TDRD5: variants seen among roughly 807,000 people sequenced by gnomAD.
TDRD5 encodes tudor domain containing 5.
TDRD5 carries 41 observed loss-of-function variants against 120.6 expected under a neutral mutation model. That is an observed-to-expected ratio of 0.34 (90% CI 0.26 to 0.44). The LOEUF is 0.44. Ranked by LOEUF, TDRD5 falls within the 20% of genes least tolerant of loss-of-function variation. TDRD5 has a pLI of 1.00. For missense variants in TDRD5, 1,006 were observed against 1,221.2 expected (o/e 0.82, Z 2.63); for synonymous variants, 430 against 433.7 (o/e 0.99, Z 0.11).
intron 6 of TDRD5, among the ~76,000 whole-genome samples, chr1:179,625,980 C>G (rs942796277): frequency 1.3e-5 from 2 of 151,376 alleles, no homozygotes; most frequent in South Asian, 2.1e-4. Flanking sequence ...AACCAAACAC[C>G]GCATATTCTC....
At position 179,650,895 on chromosome 1, in the gene TDRD5, A is replaced by G. The variant is rs965790829; in HGVS notation, c.1829A>G (p.Gln610Arg). 6.2e-7 allele frequency: 1 copy of G among 1,614,190 alleles called. No individual in the cohort carries two copies. The highest frequency in any genetic ancestry group is 8.5e-7 in the Non-Finnish European group (1 of 1,180,030). Residue 610 changes from glutamine to arginine, a missense_variant, in exon 12 of 18, where the codon CAG becomes CGG. Gln to Arg is a conservative substitution (Grantham distance 43, BLOSUM62 1). This residue lies in a region of TDRD5 where 158 missense variants were observed against 257.5 expected (regional missense o/e 0.61). Coordinates refer to ENST00000444136, the MANE Select transcript of TDRD5 (RefSeq NM_001199085.3). ...EEHWTSKAIL[Q>R]FQKLCGLKPL... ...CACTGGACATCGAAAGCTATTTTGC[A>G]GTTCCAGAAGTTGTGCGGTTTGAAG... is the stretch of plus-strand genomic sequence containing the variant.
intron 15 of TDRD5, 50 bp downstream of exon 15, chr1:179,662,336 C>G: frequency 1.3e-6 from 2 of 1,558,584 alleles, no homozygotes; most frequent in Non-Finnish European, 1.7e-6. Flanking sequence ...CACTGCGGCT[C>G]AAGCCTGTAA....
intron 11 of TDRD5, among the ~76,000 whole-genome samples, chr1:179,644,681 C>G (rs888207057): frequency 2.0e-4 from 30 of 152,016 alleles, no homozygotes; most frequent in Admixed American, 1.6e-3. Flanking sequence ...TTGATGTTGA[C>G]ATCTGTAGTG....
intron 4 of TDRD5, among the ~76,000 whole-genome samples, chr1:179,596,314 C>T (rs1444052387): frequency 4.6e-5 from 7 of 152,190 alleles, no homozygotes; most frequent in Admixed American, 4.6e-4. Flanking sequence ...ATGAAAATGC[C>T]TGATTTCTAC....
intron 13 of TDRD5, 43 bp from the exon 14 acceptor site, chr1:179,654,158 C>A: frequency 6.9e-7 from 1 of 1,452,176 alleles, no homozygotes; most frequent in African/African-American, 1.4e-5. Flanking sequence ...TTGGAAACAG[C>A]ATTAATATTT....
At chr1:179,617,219 C>G (rs1382865242) in intron 4 of TDRD5, among the ~76,000 whole-genome samples, 1 of 152,092 alleles carries the variant, frequency 6.6e-6, no homozygotes, top group Non-Finnish European at 1.5e-5. Context: ...GAGCCATGTA[C>G]TTGCCAAAAC....
chr1:179,646,709 T>C (rs991306718), intron 11 of TDRD5, among the ~76,000 whole-genome samples: 13 of 152,292 alleles, frequency 8.5e-5, no homozygotes, highest in Middle Eastern at 3.4e-3. Context: ...AAAACCCCAC[T>C]GTCTCAGCCC....
intron 4 of TDRD5, among the ~76,000 whole-genome samples, chr1:179,603,238 CTT>C (rs1322954321): frequency 6.6e-6 from 1 of 152,184 alleles, no homozygotes; most frequent in African/African-American, 2.4e-5. Context: ...TATCTGGAAA[CTT>C]TGCTTAACTC....
chr1:179,623,234 A>G (rs1676933253), intron 6 of TDRD5, among the ~76,000 whole-genome samples: 1 of 152,196 alleles, frequency 6.6e-6, no homozygotes, highest in Admixed American at 6.5e-5. Flanking sequence ...AATGTTCTTC[A>G]GGCTGAAGGA....
chr1:179,598,309 GT>G (rs1476323553), intron 4 of TDRD5, among the ~76,000 whole-genome samples: 1 of 152,178 alleles, frequency 6.6e-6, no homozygotes, highest in Non-Finnish European at 1.5e-5. Context: ...TTGCAACTTT[GT>G]TATTTTTCAA....
intron 13 of TDRD5, among the ~76,000 whole-genome samples, chr1:179,652,680 G>A (rs1678786530): frequency 6.6e-6 from 1 of 152,080 alleles, no homozygotes; most frequent in Non-Finnish European, 1.5e-5. Context: ...AATCTTTACA[G>A]CAAATTACCA....
intron 4 of TDRD5, among the ~76,000 whole-genome samples, chr1:179,602,763 T>C (rs1675784299): frequency 6.6e-6 from 1 of 152,236 alleles, no homozygotes; most frequent in Non-Finnish European, 1.5e-5. Context: ...AGTAGCATGC[T>C]TTTTTGTTGA....
chr1:179,644,054 AT>A (rs1678206372), intron 11 of TDRD5, among the ~76,000 whole-genome samples: 1 of 151,248 alleles, frequency 6.6e-6, no homozygotes, highest in East Asian at 1.9e-4. Context: ...CTGGAATTCT[AT>A]ATCTAGTGAA....
intron 4 of TDRD5, among the ~76,000 whole-genome samples, chr1:179,610,599 C>G (rs1676225161): frequency 6.6e-6 from 1 of 152,010 alleles, no homozygotes; most frequent in South Asian, 2.1e-4. Context: ...GTTATTAACT[C>G]AAATGTCAAT....
At chr1:179,675,265 T>TTAC (rs2147792045) in intron 17 of TDRD5, among the ~76,000 whole-genome samples, 1 of 30,738 alleles carries the variant, frequency 3.3e-5, no homozygotes, top group Admixed American at 4.3e-4. Flanking sequence ...TTTATTATTA[T>TTAC]TATTATTATT....
At chr1:179,623,647 T>C (rs1337737777) in intron 6 of TDRD5, among the ~76,000 whole-genome samples, 2 of 141,982 alleles carry the variant, frequency 1.4e-5, no homozygotes, top group African/African-American at 2.7e-5. Flanking sequence ...TTTTTTTTTT[T>C]CCTTTTAAGA....
At chr1:179,637,350 A>G (rs529975143) in intron 9 of TDRD5, among the ~76,000 whole-genome samples, 1 of 152,288 alleles carries the variant, frequency 6.6e-6, no homozygotes, top group South Asian at 2.1e-4. Context: ...CTCTGGGCCT[A>G]GTTGTATTAT....
chr1:179,646,041 T>C (rs1678345817), intron 11 of TDRD5, among the ~76,000 whole-genome samples: 1 of 152,308 alleles, frequency 6.6e-6, no homozygotes, highest in African/African-American at 2.4e-5. Flanking sequence ...CCAGAATGTT[T>C]AGGCTGATTA....
chr1:179,681,068 A>T (rs534107876), intron 17 of TDRD5, among the ~76,000 whole-genome samples: 1 of 67,266 alleles, frequency 1.5e-5, no homozygotes, highest in Non-Finnish European at 3.7e-5. Flanking sequence ...ACAAAATTTT[A>T]TCTATCTATC....
Sources: allele counts gnomAD v4.1 joint callset (sites outside exome capture counted in the v4.1 genomes callset), GRCh38; gene constraint gnomAD v4.1.1; regional missense constraint gnomAD v4.1.1; transcripts MANE v1.5; gene names NCBI Gene and HGNC (gene_info 2026-07-23, HGNC 2026-07-21).